The following NIPA1 variants were observed in gnomAD, a reference collection of about 807,000 sequenced individuals.
NIPA1 encodes the protein magnesium transporter NIPA1.
Under a neutral mutation model 23.9 loss-of-function variants are expected in NIPA1, and 13 were observed. The ratio of observed to expected loss-of-function variants is 0.54; its 90% CI spans 0.35 to 0.87. The LOEUF is 0.87. NIPA1 is among the 40% of genes least tolerant of loss of function. NIPA1 has a pLI of 0.01. For missense variants in NIPA1, 362 were observed against 429.7 expected, an observed-to-expected ratio of 0.84 and a Z score of 1.39; for synonymous variants, 234 against 202.9, an observed-to-expected ratio of 1.15 and a Z score of -1.30.
chr15:22,824,036 A>C lies in NIPA1; in HGVS notation c.787A>C (p.Ile263Leu). Reference protein sequence around the residue: ...ECFDSSVFGAIYYVVFTTLVL... With the variant: ...ECFDSSVFGALYYVVFTTLVL... ...CTTCGACTCCTCGGTGTTCGGGGCCATCTACTACGTCGTGTTTACCACGCT... is the reference window on the plus strand; with the variant it reads ...CTTCGACTCCTCGGTGTTCGGGGCCCTCTACTACGTCGTGTTTACCACGCT... The change falls in exon 5 of 5, where the codon ATC becomes CTC. Residue 263 changes from isoleucine (I) to leucine (L), a missense_variant. Ile to Leu is a conservative substitution (Grantham distance 5, BLOSUM62 2). Coordinates refer to ENST00000337435, the MANE Select transcript of NIPA1 (RefSeq NM_144599.5). The surrounding 1 kb of genome is among the most constrained non-coding windows in gnomAD (Gnocchi z 4.1). 6.2e-7 allele frequency: 1 copy of C among 1,614,124 alleles called. No homozygotes were observed. The highest frequency in any genetic ancestry group is 1.1e-5 in the South Asian group (1 of 91,082).
chr15:22,800,944 GAAA>G (rs34332265), intron 1 of NIPA1, among the ~76,000 whole-genome samples: 1 of 142,028 alleles, frequency 7.0e-6, no homozygotes, highest in Non-Finnish European at 1.5e-5. Flanking sequence ...AAAAAAAAAA[GAAA>G]AAAAAAAAAT....
chr15:22,795,614 T>C (rs1894925436), intron 1 of NIPA1, among the ~76,000 whole-genome samples: 2 of 152,104 alleles, frequency 1.3e-5, no homozygotes, highest in Admixed American at 6.5e-5. Context: ...ACCCCTTCCA[T>C]GGTGTGTGGC....
intron 3 of NIPA1, chr15:22,819,450 A>C (rs937228218): frequency 4.6e-5 from 7 of 152,166 alleles, no homozygotes; most frequent in Non-Finnish European, 1.0e-4. Context: ...TATACTGATA[A>C]TTACACAGGG....
At position 22,786,669 on chromosome 15, in the gene NIPA1, GCT is replaced by G; in HGVS notation, c.14_15del (p.Ala5GlyfsTer17). On this transcript the variant is annotated frameshift_variant, in exon 1 of 5. Coordinates refer to ENST00000337435, the MANE Select transcript of NIPA1 (RefSeq NM_144599.5). LOFTEE classifies it high-confidence loss of function. MGTA[A>X]AAAAAAAAAA... ...GGGCGCGGGCGGAATGGGGACTGCA[GCT>G]GCGGCAGCGGCGGCGGCGGCGGCGG... The G allele has an allele frequency of 9.3e-7, 1 of 1,077,884 alleles. No individual in the cohort carries two copies. The highest frequency in any genetic ancestry group is 1.1e-6 in the Non-Finnish European group (1 of 893,658). 66.8% of individuals were successfully genotyped at this position (1,077,884 alleles called of 1,614,324 possible). A position where few individuals can be genotyped will look rare whatever the true frequency, so the allele number is the denominator to read the frequency against.
At chr15:22,786,859 CGGCG>C in intron 1 of NIPA1, 25 bp downstream of exon 1, 2 of 196,062 alleles carry the variant, frequency 1.0e-5, no homozygotes, top group Non-Finnish European at 2.0e-5. Context: ...AGGCGGCAGG[CGGCG>C]GGCGGGTGGG....
intron 1 of NIPA1, among the ~76,000 whole-genome samples, chr15:22,789,944 G>A (rs932712524): frequency 3.9e-5 from 6 of 152,032 alleles, no homozygotes; most frequent in African/African-American, 7.3e-5. Context: ...ACAGGTACAC[G>A]CTACCATGTC....
intron 3 of NIPA1, among the ~76,000 whole-genome samples, chr15:22,814,759 A>G (rs1282725223): frequency 6.6e-6 from 1 of 152,226 alleles, no homozygotes; most frequent in African/African-American, 2.4e-5. Flanking sequence ...TTCAAATTAC[A>G]GAAAGGAAAC....
chr15:22,829,417 C>A lies in NIPA1; in HGVS notation c.*5178C>A, dbSNP rs529694846. The A allele has an allele frequency of 7.9e-5, 12 of 152,586 alleles. No individual in the cohort carries two copies. The highest frequency in any genetic ancestry group is 2.9e-4 in the African/African-American group (12 of 41,532). The allele number at this position is 152,586 out of a possible 1,614,324, so 9.5% of individuals were successfully genotyped here. A position where few individuals can be genotyped will look rare whatever the true frequency, so the allele number is the denominator to read the frequency against. On this transcript the variant is annotated 3_prime_UTR_variant, in exon 5 of 5. Coordinates refer to ENST00000337435, the MANE Select transcript of NIPA1 (RefSeq NM_144599.5). ...TTTATTTGTCAGAATATAATAATTG[C>A]CCCCCACCTTAGTATTTTTGCACTT...
intron 4 of NIPA1, 87 bp from the exon 5 acceptor site, chr15:22,823,641 G>C: frequency 2.1e-6 from 3 of 1,413,770 alleles, no homozygotes; most frequent in Non-Finnish European, 1.9e-6. Flanking sequence ...GGTGGCGGGT[G>C]GGGGCCCGGG....
chr15:22,788,680 A>G (rs1894763688), intron 1 of NIPA1, among the ~76,000 whole-genome samples: 1 of 151,940 alleles, frequency 6.6e-6, no homozygotes, highest in African/African-American at 2.4e-5. Flanking sequence ...AGTTGAGGAA[A>G]ACTGTGTTAT....
At chr15:22,810,924 C>A in intron 2 of NIPA1, 128 bp downstream of exon 2, 1 of 785,734 alleles carries the variant, frequency 1.3e-6, no homozygotes, top group South Asian at 1.4e-5. Flanking sequence ...TGGCCTCTCC[C>A]CAGGCCCTAA....
rs1265874242 is a variant in NIPA1, at chr15:22,810,937, G to A, written c.226+141G>A. On this transcript the variant is annotated intron_variant, in intron 2 of 4. Coordinates refer to ENST00000337435, the MANE Select transcript of NIPA1 (RefSeq NM_144599.5). ...CGTGGCCTCTCCCCAGGCCCTAAGCGTGCCTTTCAGTTCGGATGTCCCTGC... is the reference window on the plus strand; with the variant it reads ...CGTGGCCTCTCCCCAGGCCCTAAGCATGCCTTTCAGTTCGGATGTCCCTGC... The A allele has an allele frequency of 5.0e-5, 37 of 743,246 alleles. 1 individual carries two copies. Among genetic ancestry groups the A allele is most frequent in the South Asian group, 3.7e-4 (26 of 70,966 alleles). 46.0% of individuals were successfully genotyped at this position (743,246 alleles called of 1,614,324 possible).
intron 3 of NIPA1, among the ~76,000 whole-genome samples, chr15:22,817,656 T>G (rs1317768827): frequency 6.6e-6 from 1 of 150,664 alleles, no homozygotes; most frequent in African/African-American, 2.5e-5. Flanking sequence ...ATACAAAAAA[T>G]TAGCCGGGCG....
At chr15:22,797,836 T>C (rs1894973141) in intron 1 of NIPA1, among the ~76,000 whole-genome samples, 1 of 144,994 alleles carries the variant, frequency 6.9e-6, no homozygotes, top group African/African-American at 2.7e-5. Context: ...AGTAATTATA[T>C]TTCAAAACCG....
Position 22,824,167 on chromosome 15 carries a change from C to T in NIPA1, c.918C>T (p.Val306=). Residue 306 remains valine, a synonymous_variant, in exon 5 of 5, where the codon GTC becomes GTT. Transcript: ENST00000337435. The surrounding 1 kb of genome is among the most constrained non-coding windows in gnomAD (Gnocchi z 4.1). ...TCACGACCGTCTCCGTGGGGATTGT[C>T]CTTATACAGGTGTTCAAAGAGTTCA... ...CGFTTVSVGI[V]LIQVFKEFNF... 4 of 1,613,388 alleles carry T rather than the reference C, an allele frequency of 2.5e-6. No individual in the cohort carries two copies. The highest frequency in any genetic ancestry group is 1.6e-4 in the Middle Eastern group (1 of 6,062).
At chr15:22,813,513 T>C (rs1895358897) in intron 3 of NIPA1, 1 of 399,932 alleles carries the variant, frequency 2.5e-6, no homozygotes, top group East Asian at 7.2e-5. Context: ...TATCCTCGTG[T>C]GAACCTATTT....
chr15:22,812,552 G>A (rs1410945503), intron 3 of NIPA1, among the ~76,000 whole-genome samples: 1 of 151,910 alleles, frequency 6.6e-6, no homozygotes, highest in African/African-American at 2.4e-5. Flanking sequence ...ACTCGGGAGG[G>A]TGAGACACAA....
At chr15:22,817,765 A>G (rs1349227609) in intron 3 of NIPA1, among the ~76,000 whole-genome samples, 1 of 152,042 alleles carries the variant, frequency 6.6e-6, no homozygotes, top group East Asian at 1.9e-4. Flanking sequence ...AGATCGTGCC[A>G]CTGCACTTCA....
Position 22,816,178 on chromosome 15 carries a change from A to ATTTTT in NIPA1, c.317+3950_317+3954dup, listed in dbSNP as rs71117481. On this transcript the variant is annotated intron_variant, in intron 3 of 4. Coordinates refer to ENST00000337435, the MANE Select transcript of NIPA1 (RefSeq NM_144599.5). ...ATTGCCTTTATTGGCAGAAGACCTG[A>ATTTTT]TTTTTTTTTTTTTTTTTTTTTTTTT... 3.1e-3 allele frequency among the ~76,000 whole-genome samples: 238 copies of ATTTTT among 77,482 alleles called. 19 individuals carry two copies. Among genetic ancestry groups the ATTTTT allele is most frequent in the African/African-American group, 0.01 (199 of 18,956 alleles). 50.8% of individuals were successfully genotyped at this position (77,482 alleles called of 152,430 possible).
Sources: allele counts gnomAD v4.1 joint callset (sites outside exome capture counted in the v4.1 genomes callset), GRCh38; gene constraint gnomAD v4.1.1; non-coding constraint Gnocchi (gnomAD v3.1); transcripts MANE v1.5; gene names NCBI Gene and HGNC (gene_info 2026-07-23, HGNC 2026-07-21).